The following SYNE2 variants were observed in gnomAD, a reference collection of about 807,000 sequenced individuals.
SYNE2 encodes the protein nesprin-2.
SYNE2 carries 431 observed loss-of-function variants against 856.3 expected under a neutral mutation model. That is an observed-to-expected ratio of 0.50 (90% CI 0.47 to 0.55). The LOEUF (loss-of-function observed/expected upper bound fraction) is 0.55, where lower values mean the gene tolerates loss of function less well. Among genes scored for constraint, SYNE2 ranks in the 20% least tolerant of loss-of-function variants. The pLI is 0.00. For missense variants in SYNE2, 8,129 were observed against 8,023.2 expected (o/e 1.01, Z -0.50); for synonymous variants, 2,923 against 2,872.3 (o/e 1.02, Z -0.56).
chr14:64,079,937 C>G (rs903249173), intron 55 of SYNE2, among the ~76,000 whole-genome samples: 1 of 152,184 alleles, frequency 6.6e-6, no homozygotes, highest in Non-Finnish European at 1.5e-5. Context: ...TGGCCTCAAG[C>G]AGCCCACACA....
At chr14:63,932,079 A>G (rs958073802) in intron 2 of SYNE2, among the ~76,000 whole-genome samples, 6 of 152,224 alleles carry the variant, frequency 3.9e-5, no homozygotes, top group Non-Finnish European at 8.8e-5. Flanking sequence ...ATTAATTTTA[A>G]GAAAGGGGAT....
chr14:63,870,088 T>C (rs1487748602), intron 1 of SYNE2, among the ~76,000 whole-genome samples: 3 of 152,264 alleles, frequency 2.0e-5, no homozygotes, highest in Non-Finnish European at 4.4e-5. Flanking sequence ...TGGTTCCCCA[T>C]TGGCCATGAG....
intron 10 of SYNE2, among the ~76,000 whole-genome samples, chr14:63,964,899 G>T (rs2096369739): frequency 6.6e-6 from 1 of 151,754 alleles, no homozygotes. Context: ...ACAATACAGG[G>T]CTCAACCGAG....
chr14:63,839,022 T>C (rs1236323039), intron 1 of SYNE2, among the ~76,000 whole-genome samples: 1 of 151,798 alleles, frequency 6.6e-6, no homozygotes, highest in African/African-American at 2.4e-5. Flanking sequence ...ATGCTTAGTA[T>C]TTTCAAATTT....
intron 34 of SYNE2, among the ~76,000 whole-genome samples, chr14:64,019,177 G>T (rs1042610130): frequency 1.3e-5 from 2 of 151,876 alleles, no homozygotes; most frequent in Non-Finnish European, 2.9e-5. Flanking sequence ...GGAGGCTGAG[G>T]CAGGAGAATA....
At chr14:63,826,469 T>G (rs1300122327) in intron 1 of SYNE2, among the ~76,000 whole-genome samples, 1 of 152,088 alleles carries the variant, frequency 6.6e-6, no homozygotes, top group African/African-American at 2.4e-5. Context: ...CCAGCTAATT[T>G]TTTTGTATTT....
At chr14:64,022,081 T>G (rs569652036) in intron 37 of SYNE2, 53 bp downstream of exon 37, 2 of 1,546,218 alleles carry the variant, frequency 1.3e-6, no homozygotes, top group African/African-American at 1.4e-5. Flanking sequence ...AGTATGAATG[T>G]AGTACTGTGA....
At chr14:64,140,931 T>G (rs1440642090) in intron 80 of SYNE2, among the ~76,000 whole-genome samples, 1 of 152,166 alleles carries the variant, frequency 6.6e-6, no homozygotes, top group African/African-American at 2.4e-5. Flanking sequence ...GTAGCTATGA[T>G]TACTAACTTT....
chr14:63,774,490 A>T (rs1170909784), intron 1 of SYNE2, among the ~76,000 whole-genome samples: 12 of 151,374 alleles, frequency 7.9e-5, no homozygotes, highest in Admixed American at 2.6e-4. Context: ...AAAAAAAGAA[A>T]AAAAGAAACA....
Position 64,221,650 on chromosome 14 carries a change from C to G in SYNE2, c.20136C>G (p.Val6712=), listed in dbSNP as rs1274837271. ...AGAACCGGAGGCAGAAGGCTCATGT[C>G]ACCGATCCAAAGGCAGACCCCCGGG... The part of the protein sequence containing the change: ...SAKNRRQKAH[V]TDPKADPRAL... The change falls in exon 112 of 116, where the codon GTC becomes GTG. Residue 6712 remains valine (V), a synonymous_variant. Coordinates refer to ENST00000555002, the MANE Select transcript of SYNE2 (RefSeq NM_182914.3). The G allele has an allele frequency of 6.2e-7, 1 of 1,614,130 alleles. No homozygotes were observed. Among genetic ancestry groups the G allele is most frequent in the Non-Finnish European group, 8.5e-7 (1 of 1,180,028 alleles).
At chr14:64,029,864 AT>A in intron 43 of SYNE2, 30 bp from the exon 44 acceptor site, 6 of 1,604,466 alleles carry the variant, frequency 3.7e-6, no homozygotes, top group Non-Finnish European at 5.1e-6. Flanking sequence ...GAGAGAAATA[AT>A]TTGTAAATTG....
intron 1 of SYNE2, among the ~76,000 whole-genome samples, chr14:63,814,060 A>AAACAACAACAGC (rs1888725380): frequency 6.7e-6 from 1 of 149,894 alleles, no homozygotes; most frequent in Non-Finnish European, 1.5e-5. Context: ...TCTGTCTCAA[A>AAACAACAACAGC]AACAACAACA....
At chr14:63,936,002 G>A (rs529521774) in intron 2 of SYNE2, among the ~76,000 whole-genome samples, 180 of 152,254 alleles carry the variant, frequency 1.2e-3, no homozygotes, top group Non-Finnish European at 2.1e-3. Context: ...AGCCTCCTGA[G>A]TAGCTGGGAT....
intron 111 of SYNE2, 77 bp from the exon 112 acceptor site, chr14:64,221,499 G>A (rs1344812032): frequency 6.2e-7 from 1 of 1,613,804 alleles, no homozygotes. Context: ...TGGATTGGAA[G>A]CAGTAAGCCA....
intron 99 of SYNE2, chr14:64,190,842 A>G: frequency 2.9e-6 from 2 of 690,546 alleles, no homozygotes; most frequent in Middle Eastern, 2.3e-4. Context: ...AATAGCGCTG[A>G]TAATTTTATC....
rs753994064 is a variant in SYNE2 at position 63,981,153 on chromosome 14, A to C, written c.1816A>C (p.Lys606Gln). ...RLLRACFEET[K>Q]KEEIKEVPFE... ...ACTAAGGGCTTGCTTTGAGGAGACAAAGAAGGAAGAAATTAAAGAGGTATT... is the reference window on the plus strand; with the variant it reads ...ACTAAGGGCTTGCTTTGAGGAGACACAGAAGGAAGAAATTAAAGAGGTATT... The change falls in exon 16 of 116, where the codon AAG (lysine) becomes CAG (glutamine). Residue 606 changes from lysine (K) to glutamine (Q), a missense_variant. By Grantham distance (53) the Lys-to-Gln change is moderately conservative. This residue lies in a region of SYNE2 where 2,422 missense variants were observed against 2,357.4 expected (regional missense o/e 1.03). Transcript: ENST00000555002. 8 of 1,613,512 alleles carry C rather than the reference A, an allele frequency of 5.0e-6. No individual in the cohort carries two copies. The highest frequency in any genetic ancestry group is 1.7e-5 in the Admixed American group (1 of 60,000).
At chr14:64,010,249 G>A (rs1202867426) in intron 32 of SYNE2, 133 bp downstream of exon 32, 2 of 1,003,286 alleles carry the variant, frequency 2.0e-6, no homozygotes, top group African/African-American at 1.6e-5. Flanking sequence ...ATTTTACCAG[G>A]TATCTAAAAA....
At chr14:63,818,925 C>T (rs917171806) in intron 1 of SYNE2, among the ~76,000 whole-genome samples, 3 of 151,964 alleles carry the variant, frequency 2.0e-5, no homozygotes, top group African/African-American at 7.2e-5. Context: ...GTCTCGATCT[C>T]CTGACTTCGT....
In SYNE2 at chr14:64,010,048, G is replaced by C; in HGVS notation, c.4660G>C (p.Glu1554Gln). The stretch of plus-strand genomic sequence containing the variant: ...CATCTTGACAACTTTGATTCAAAAA[G>C]AAGAGAGTGTCATCTCCCTGCAGGC... Reference protein sequence around the residue: ...KSILTTLIQKEESVISLQASY... With the variant: ...KSILTTLIQKQESVISLQASY... Residue 1554 changes from glutamate (E) to glutamine (Q), a missense_variant, in exon 32 of 116, where the codon GAA becomes CAA. Glu to Gln is a conservative substitution (Grantham distance 29, BLOSUM62 2). Transcript: ENST00000555002. The C allele has an allele frequency of 6.2e-7, 1 of 1,614,028 alleles. No individual in the cohort carries two copies. The highest frequency in any genetic ancestry group is 8.5e-7 in the Non-Finnish European group (1 of 1,179,946).
Sources: allele counts gnomAD v4.1 joint callset (sites outside exome capture counted in the v4.1 genomes callset), GRCh38; gene constraint gnomAD v4.1.1; regional missense constraint gnomAD v4.1.1; transcripts MANE v1.5; gene names NCBI Gene and HGNC (gene_info 2026-07-23, HGNC 2026-07-21).